Variants in XIAP observed in about 807,000 individuals in gnomAD.
The protein encoded by XIAP is E3 ubiquitin-protein ligase XIAP.
Under a neutral mutation model 33.1 loss-of-function variants are expected in XIAP, and 3 were observed. That is an observed-to-expected ratio of 0.09 (90% CI 0.04 to 0.23). The LOEUF (loss-of-function observed/expected upper bound fraction) is 0.23, where lower values mean the gene tolerates loss of function less well. Among genes scored for constraint, XIAP ranks in the 10% least tolerant of loss-of-function variants. The pLI, the probability that XIAP is intolerant of heterozygous loss-of-function variation, is 1.00. For synonymous variants in XIAP, 98 were observed against 121.3 expected (o/e 0.81, Z 1.26); for missense variants, 264 against 363.0 (o/e 0.73, Z 2.22).
Position 123,908,996 on chromosome X carries a change from G to A in XIAP, c.*1815G>A. ...ACTTCTGTTGATTACTACTTTAAGT[G>A]ATATTCATTTAAAACATTGCAAATT... On this transcript the variant is annotated 3_prime_UTR_variant, in exon 7 of 7. Coordinates refer to ENST00000371199, the MANE Select transcript of XIAP (RefSeq NM_001167.4). The A allele has an allele frequency of 3.2e-6, 1 of 314,009 alleles. No individual in the cohort carries two copies. Among genetic ancestry groups the A allele is most frequent in the Non-Finnish European group, 6.0e-6 (1 of 167,437 alleles). 25.9% of individuals were successfully genotyped at this position (314,009 alleles called of 1,213,427 possible).
chrX:123,900,050 A>G (rs2053502311), intron 5 of XIAP, among the ~76,000 whole-genome samples: 1 of 111,948 alleles, frequency 8.9e-6, no homozygotes, highest in Admixed American at 9.6e-5. Context: ...TTTGAGAGCT[A>G]GGAAATTGAC....
In XIAP at chrX:123,908,740, T is replaced by C. The variant is rs1235814231; in HGVS notation, c.*1559T>C. Reference sequence around the variant, plus strand: ...AATATTGGCAAGAAAAGAAGAATAGTTGTTTAAATATTTTTTAAAAAACAC... The same window carrying C: ...AATATTGGCAAGAAAAGAAGAATAGCTGTTTAAATATTTTTTAAAAAACAC... On this transcript the variant is annotated 3_prime_UTR_variant, in exon 7 of 7. Transcript: ENST00000371199. 1 of 346,667 alleles carries C rather than the reference T, an allele frequency of 2.9e-6. No homozygotes were observed. Among genetic ancestry groups the C allele is most frequent in the African/African-American group, 2.6e-5 (1 of 38,324 alleles). The allele number at this position is 346,667 out of a possible 1,213,427, so 28.6% of individuals were successfully genotyped here. A position where few individuals can be genotyped will look rare whatever the true frequency, so the allele number is the denominator to read the frequency against.
At chrX:123,880,810 C>T (rs1018042891) in intron 1 of XIAP, among the ~76,000 whole-genome samples, 1 of 109,432 alleles carries the variant, frequency 9.1e-6, no homozygotes, top group African/African-American at 3.3e-5. Flanking sequence ...TTGTATGTGC[C>T]TTTGTCTCTG....
intron 5 of XIAP, among the ~76,000 whole-genome samples, chrX:123,894,304 C>T (rs1271386079): frequency 8.9e-6 from 1 of 112,583 alleles, no homozygotes; most frequent in Non-Finnish European, 1.9e-5. Flanking sequence ...AATCACATTA[C>T]AAATAGTTAG....
intron 1 of XIAP, among the ~76,000 whole-genome samples, chrX:123,880,737 CAAAAAAA>C (rs35365799): frequency 4.8e-4 from 31 of 63,943 alleles, no homozygotes; most frequent in African/African-American, 1.6e-3. Context: ...AACTCTGTTT[CAAAAAAA>C]AAAAAAAAAA....
intron 3 of XIAP, among the ~76,000 whole-genome samples, chrX:123,890,393 G>A (rs2148095125): frequency 9.3e-6 from 1 of 106,962 alleles, no homozygotes. Flanking sequence ...GGAGGCTGAG[G>A]CGGGTGGATT....
chrX:123,869,861 G>C (rs2053177498), intron 1 of XIAP, among the ~76,000 whole-genome samples: 1 of 112,747 alleles, frequency 8.9e-6, no homozygotes, highest in African/African-American at 3.2e-5. Flanking sequence ...ACATATGTTA[G>C]TTATTATCAA....
intron 1 of XIAP, 21 bp from the exon 2 acceptor site, chrX:123,885,610 A>C: frequency 8.5e-7 from 1 of 1,174,812 alleles, no homozygotes; most frequent in Non-Finnish European, 1.1e-6. Context: ...TGGATTTCCT[A>C]ATATAATGTT....
chrX:123,892,896 C>T, intron 5 of XIAP, 123 bp downstream of exon 5: 1 of 581,444 alleles, frequency 1.7e-6, no homozygotes, highest in Non-Finnish European at 2.7e-6. Context: ...TCTCAGCTCA[C>T]TGCAATCTCT....
At chrX:123,880,149 A>G (rs2053285536) in intron 1 of XIAP, among the ~76,000 whole-genome samples, 1 of 108,690 alleles carries the variant, frequency 9.2e-6, no homozygotes, top group South Asian at 4.0e-4. Flanking sequence ...GCGGTGGCTC[A>G]TGCCTATAAT....
chrX:123,904,280 A>C lies in XIAP; in HGVS notation c.1301-2708A>C, dbSNP rs184948759. On this transcript the variant is annotated intron_variant, in intron 6 of 6. Coordinates refer to ENST00000371199, the MANE Select transcript of XIAP (RefSeq NM_001167.4). Reference sequence around the variant, plus strand: ...TCGTTGTAGCATTACATCTAAAAGTAATGTGGAAATTACTTGTTCTCCTTT... The same window carrying C: ...TCGTTGTAGCATTACATCTAAAAGTCATGTGGAAATTACTTGTTCTCCTTT... Among the ~76,000 whole-genome samples, 221 of 112,091 alleles carry C rather than the reference A, an allele frequency of 2.0e-3. 2 individuals are homozygous for C. Among genetic ancestry groups the C allele is most frequent in the African/African-American group, 6.9e-3 (212 of 30,905 alleles).
intron 1 of XIAP, among the ~76,000 whole-genome samples, chrX:123,869,034 C>T (rs886331381): frequency 4.5e-5 from 5 of 110,522 alleles, no homozygotes; most frequent in African/African-American, 1.6e-4. Flanking sequence ...TGAAAAGTCA[C>T]GTTTACCTGT....
intron 1 of XIAP, among the ~76,000 whole-genome samples, chrX:123,882,982 A>G (rs1174620356): frequency 9.2e-6 from 1 of 108,694 alleles, no homozygotes; most frequent in East Asian, 2.9e-4. Context: ...TTTAGTAGAG[A>G]CGGGGTTTCT....
intron 5 of XIAP, among the ~76,000 whole-genome samples, chrX:123,894,118 C>G (rs1474180179): frequency 1.8e-5 from 2 of 112,529 alleles, no homozygotes; most frequent in African/African-American, 3.2e-5. Context: ...CCTTCCCCAG[C>G]TTCTTCACAG....
At chrX:123,875,122 A>G (rs2053232787) in intron 1 of XIAP, among the ~76,000 whole-genome samples, 2 of 106,014 alleles carry the variant, frequency 1.9e-5, no homozygotes, top group African/African-American at 6.9e-5. Context: ...TCCCAGGTTC[A>G]AGTGATTCTC....
At chrX:123,859,731 C>A, upstream of XIAP, 1 of 189,528 alleles carries the variant, frequency 5.3e-6, no homozygotes, top group Non-Finnish European at 9.3e-6. Flanking sequence ...CGCATGTGCG[C>A]GCGCTAGGTC....
chrX:123,913,338 C>T lies in XIAP; in HGVS notation c.*6157C>T, dbSNP rs1294964204. The T allele has an allele frequency of 1.8e-5, 6 of 326,327 alleles. No homozygotes were observed. Among genetic ancestry groups the T allele is most frequent in the Admixed American group, 1.3e-4 (4 of 31,844 alleles). 26.9% of individuals were successfully genotyped at this position (326,327 alleles called of 1,213,427 possible). The stretch of plus-strand genomic sequence containing the variant: ...ATACAAAAATAGCTGGGCATGGTGG[C>T]GCATGCCTGTAGTCCCAGCTACTAG... On this transcript the variant is annotated 3_prime_UTR_variant, in exon 7 of 7. Transcript: ENST00000371199.
At chrX:123,860,577 T>C in intron 1 of XIAP, 1 of 248,084 alleles carries the variant, frequency 4.0e-6, no homozygotes, top group Non-Finnish European at 7.6e-6. Flanking sequence ...TTTAAAAAAA[T>C]ATGATCAAAG....
At chrX:123,886,634 AT>A in intron 2 of XIAP, 95 bp downstream of exon 2, 1 of 945,890 alleles carries the variant, frequency 1.1e-6, no homozygotes, top group Non-Finnish European at 1.5e-6. Context: ...ACTGGTAAAT[AT>A]TTAGGTATAA....
Sources: gnomAD v4.1 joint callset for allele counts (sites outside exome capture counted in the v4.1 genomes callset) on GRCh38, gnomAD v4.1.1 for gene constraint, MANE v1.5 for transcripts, NCBI Gene and HGNC (gene_info 2026-07-23, HGNC 2026-07-21) for gene names.